The following PCDHA13 variants were observed in gnomAD, a reference collection of about 807,000 sequenced individuals.
PCDHA13 encodes protocadherin alpha-13.
Under a neutral mutation model 64.8 loss-of-function variants are expected in PCDHA13, and 54 were observed. The ratio of observed to expected loss-of-function variants is 0.83; its 90% CI spans 0.67 to 1.04. The LOEUF (loss-of-function observed/expected upper bound fraction) is 1.04, where lower values mean the gene tolerates loss of function less well. Among genes scored for constraint, PCDHA13 ranks in the 50% least tolerant of loss-of-function variants. The pLI is 0.00. For missense variants in PCDHA13, 1,248 were observed against 1,254.3 expected (o/e 0.99, Z 0.08); for synonymous variants, 587 against 564.4 (o/e 1.04, Z -0.57).
chr5:140,918,549 T>C (rs1313720970), intron 1 of PCDHA13, among the ~76,000 whole-genome samples: 3 of 152,222 alleles, frequency 2.0e-5, no homozygotes, highest in Non-Finnish European at 2.9e-5. Flanking sequence ...CCATGTGCAA[T>C]TGAGAAGAAT....
intron 1 of PCDHA13, among the ~76,000 whole-genome samples, chr5:140,909,407 T>C (rs1004172644): frequency 3.3e-5 from 5 of 152,172 alleles, no homozygotes; most frequent in Non-Finnish European, 7.3e-5. Context: ...GCAATTGCAG[T>C]TACCATTTGG....
intron 3 of PCDHA13, among the ~76,000 whole-genome samples, chr5:140,997,668 T>TTGTGTGTGTGTGTG (rs35184029): frequency 1.7e-4 from 25 of 148,344 alleles, no homozygotes; most frequent in African/African-American, 6.2e-4. Flanking sequence ...ATTATACAGC[T>TTGTGTGTGTGTGTG]TGTGTGTGTG....
At chr5:140,966,927 C>A in intron 1 of PCDHA13, 1 of 1,603,516 alleles carries the variant, frequency 6.2e-7, no homozygotes, top group Non-Finnish European at 8.5e-7. Context: ...GAGCAGGCAC[C>A]CGGCGCGCTC....
At chr5:140,996,832 T>G (rs1338616787) in intron 3 of PCDHA13, among the ~76,000 whole-genome samples, 1 of 152,212 alleles carries the variant, frequency 6.6e-6, no homozygotes, top group African/African-American at 2.4e-5. Flanking sequence ...TACCAATAAT[T>G]TAGCGTGCAT....
At chr5:140,913,867 T>G (rs1554196087) in intron 1 of PCDHA13, among the ~76,000 whole-genome samples, 2 of 152,234 alleles carry the variant, frequency 1.3e-5, no homozygotes. Flanking sequence ...TTGTTTAATT[T>G]CCATGTGTTC....
At chr5:140,943,380 T>A (rs2093488086) in intron 1 of PCDHA13, among the ~76,000 whole-genome samples, 3 of 151,328 alleles carry the variant, frequency 2.0e-5, no homozygotes, top group Admixed American at 2.0e-4. Context: ...AATATACAGG[T>A]AAGAAATTAT....
chr5:140,968,276 G>A, intron 1 of PCDHA13: 1 of 1,614,070 alleles, frequency 6.2e-7, no homozygotes, highest in South Asian at 1.1e-5. Context: ...GAATGCAGAG[G>A]TGACCTACTC....
At chr5:140,979,817 A>G (rs1228260788) in intron 2 of PCDHA13, among the ~76,000 whole-genome samples, 1 of 152,262 alleles carries the variant, frequency 6.6e-6, no homozygotes, top group Non-Finnish European at 1.5e-5. Flanking sequence ...AAAAGGATTT[A>G]ATTTTAAAGA....
In PCDHA13 at chr5:140,922,291, T is replaced by A. The variant is rs951080588; in HGVS notation, c.2394+37629T>A. ...AGATTGGACCAAGATATGAAAATGC[T>A]AGGAGAGGATACCTTTCACTGAAGA... On this transcript the variant is annotated intron_variant, in intron 1 of 3. Coordinates refer to ENST00000289272, the MANE Select transcript of PCDHA13 (RefSeq NM_018904.3). Among the ~76,000 whole-genome samples, 38 of 152,228 alleles carry A rather than the reference T, an allele frequency of 2.5e-4. 1 individual carries two copies. The highest frequency in any genetic ancestry group is 1.5e-5 in the Non-Finnish European group (1 of 68,048).
At chr5:140,892,242 C>A (rs1554185127) in intron 1 of PCDHA13, among the ~76,000 whole-genome samples, 3 of 152,034 alleles carry the variant, frequency 2.0e-5, no homozygotes, top group Non-Finnish European at 4.4e-5. Context: ...TCCACATAAA[C>A]CTGGTTATCT....
chr5:140,924,978 T>A (rs2082232142), intron 1 of PCDHA13, among the ~76,000 whole-genome samples: 1 of 151,330 alleles, frequency 6.6e-6, no homozygotes, highest in Non-Finnish European at 1.5e-5. Flanking sequence ...CAGTGGCTCA[T>A]GTCTGTAATC....
At chr5:140,949,628 C>G (rs974912926) in intron 1 of PCDHA13, among the ~76,000 whole-genome samples, 18 of 151,706 alleles carry the variant, frequency 1.2e-4, no homozygotes, top group African/African-American at 4.1e-4. Context: ...GTTTTCATGG[C>G]ATATTGCTTT....
At chr5:141,000,589 A>G (rs1234300694) in intron 3 of PCDHA13, among the ~76,000 whole-genome samples, 3 of 150,422 alleles carry the variant, frequency 2.0e-5, no homozygotes, top group Admixed American at 2.0e-4. Context: ...CACCATGCCC[A>G]GCTAATTTTT....
chr5:140,950,426 ACT>A (rs1554219446), intron 1 of PCDHA13, among the ~76,000 whole-genome samples: 5 of 151,872 alleles, frequency 3.3e-5, no homozygotes, highest in African/African-American at 1.2e-4. Flanking sequence ...ATTTTCTTCC[ACT>A]TAAAAAAAAT....
At position 141,010,166 on chromosome 5, in the gene PCDHA13, A is replaced by T; in HGVS notation, c.*229A>T. 1 of 1,562,828 alleles carries T rather than the reference A, an allele frequency of 6.4e-7. No individual in the cohort carries two copies. On this transcript the variant is annotated 3_prime_UTR_variant, in exon 4 of 4. Coordinates refer to ENST00000289272, the MANE Select transcript of PCDHA13 (RefSeq NM_018904.3). ...TCTCTCCACTCTGGCTTGTTTTCAG[A>T]ACCTAAAAAGCAGACCCAAGTTTCC... is the stretch of plus-strand genomic sequence containing the variant.
intron 1 of PCDHA13, chr5:140,968,131 G>A (rs1485866692): frequency 1.2e-6 from 2 of 1,614,042 alleles, no homozygotes; most frequent in African/African-American, 1.3e-5. Context: ...TGCGTACACT[G>A]AAGGTTGAGA....
chr5:140,952,221 C>T (rs991982346), intron 1 of PCDHA13, among the ~76,000 whole-genome samples: 1 of 151,940 alleles, frequency 6.6e-6, no homozygotes, highest in Non-Finnish European at 1.5e-5. Flanking sequence ...TTTCCAGGCA[C>T]AGTGTGCAAG....
chr5:140,957,468 T>C (rs1318789577), intron 1 of PCDHA13, among the ~76,000 whole-genome samples: 2 of 152,166 alleles, frequency 1.3e-5, no homozygotes, highest in African/African-American at 4.8e-5. Context: ...GGTATGTATG[T>C]ATAGGAAAAA....
chr5:140,993,508 ACG>A (rs2097567607), intron 3 of PCDHA13, among the ~76,000 whole-genome samples: 1 of 147,006 alleles, frequency 6.8e-6, no homozygotes, highest in Non-Finnish European at 1.5e-5. Context: ...ACACACACAC[ACG>A]GGGAGAGAGA....
Sources: allele counts gnomAD v4.1 joint callset (sites outside exome capture counted in the v4.1 genomes callset), GRCh38; gene constraint gnomAD v4.1.1; transcripts MANE v1.5; gene names NCBI Gene and HGNC (gene_info 2026-07-23, HGNC 2026-07-21).